KDM4C: variants seen among roughly 807,000 people sequenced by gnomAD.
KDM4C encodes the protein lysine demethylase 4C.
KDM4C carries 81 observed loss-of-function variants against 129.3 expected under a neutral mutation model. The observed-to-expected ratio is 0.63, with a 90% CI of 0.52 to 0.75. The LOEUF (loss-of-function observed/expected upper bound fraction) is 0.75. Ranked by LOEUF, KDM4C falls within the 30% of genes least tolerant of loss-of-function variation. The pLI is 0.00. For missense variants in KDM4C, 1,457 were observed against 1,304.0 expected (o/e 1.12, Z -1.81); for synonymous variants, 573 against 456.1 (o/e 1.26, Z -3.26).
intron 5 of KDM4C, among the ~76,000 whole-genome samples, chr9:6,850,159 A>T (rs747471946): frequency 6.6e-6 from 1 of 152,168 alleles, no homozygotes; most frequent in African/African-American, 2.4e-5. Flanking sequence ...GTGTAAGTCC[A>T]CTCCATGATG....
intron 17 of KDM4C, among the ~76,000 whole-genome samples, chr9:7,079,518 C>T (rs553008707): frequency 3.3e-5 from 5 of 152,264 alleles, no homozygotes; most frequent in South Asian, 2.1e-4. Flanking sequence ...GACAGTGTTT[C>T]GCCATGTTGG....
rs1161147501 is a variant in KDM4C, at chr9:7,128,771, TGTGTGTGTGTGTGCGTGCGC to T, written c.2781+548_2781+567del. ...GTTACTGTGGCGGAGACTAGAACTC[TGTGTGTGTGTGTGCGTGCGC>T]GTGTGTGTGTGTCTGGCTGTCTTGT... On this transcript the variant is annotated intron_variant, in intron 19 of 21. Coordinates refer to ENST00000381309, the MANE Select transcript of KDM4C (RefSeq NM_015061.6). 6.4e-4 allele frequency among the ~76,000 whole-genome samples: 93 copies of T among 144,920 alleles called. No homozygotes were observed. The South Asian group carries it at 0.019, about 29-fold the overall frequency.
intron 7 of KDM4C, among the ~76,000 whole-genome samples, chr9:6,888,850 G>C (rs1207300595): frequency 3.3e-5 from 1 of 30,482 alleles, no homozygotes; most frequent in Non-Finnish European, 6.5e-5. Flanking sequence ...TGCAGTGGCG[G>C]GATCTCGGCT....
intron 5 of KDM4C, among the ~76,000 whole-genome samples, chr9:6,877,499 C>T (rs1588884896): frequency 6.6e-6 from 1 of 152,220 alleles, no homozygotes; most frequent in Admixed American, 6.5e-5. Context: ...CACACCTGGC[C>T]TAACAAGATT....
At chr9:6,773,135 G>T (rs926801890) in intron 1 of KDM4C, among the ~76,000 whole-genome samples, 5 of 151,772 alleles carry the variant, frequency 3.3e-5, no homozygotes, top group African/African-American at 1.2e-4. Context: ...GAGTAACTGG[G>T]ATTACAGGTG....
At chr9:6,762,561 T>A (rs1376040318) in intron 1 of KDM4C, among the ~76,000 whole-genome samples, 3 of 151,030 alleles carry the variant, frequency 2.0e-5, no homozygotes, top group Non-Finnish European at 1.5e-5. Flanking sequence ...TGTAGACCAT[T>A]TTGTGGAGCC....
chr9:6,970,783 C>T (rs1000416467), intron 8 of KDM4C, among the ~76,000 whole-genome samples: 6 of 151,954 alleles, frequency 3.9e-5, no homozygotes, highest in Admixed American at 2.0e-4. Context: ...ATTTAAAAAA[C>T]AGTATTCCCA....
chr9:6,737,902 C>T (rs1180713676), intron 1 of KDM4C, among the ~76,000 whole-genome samples: 7 of 151,642 alleles, frequency 4.6e-5, no homozygotes, highest in Non-Finnish European at 7.4e-5. Context: ...TTTGGGAGGC[C>T]GAAGCAGGTG....
rs571237647 is a variant in KDM4C at position 6,819,425 on chromosome 9, A to G, written c.435+4680A>G. On this transcript the variant is annotated intron_variant, in intron 4 of 21. Coordinates refer to ENST00000381309, the MANE Select transcript of KDM4C (RefSeq NM_015061.6). ...CTGGTTTGTAAACACGCAGTTTTAA[A>G]ACATCCTCATCGTTTACAGGTTTTA... is the stretch of plus-strand genomic sequence containing the variant. Among the ~76,000 whole-genome samples, 4 of 152,352 alleles carry G rather than the reference A, an allele frequency of 2.6e-5. No homozygotes were observed. The South Asian group carries it at 8.3e-4, about 32-fold the overall frequency.
intron 12 of KDM4C, among the ~76,000 whole-genome samples, chr9:6,997,837 T>C (rs928472418): frequency 1.3e-5 from 2 of 152,260 alleles, no homozygotes; most frequent in South Asian, 2.1e-4. Context: ...AAGGCTGCTT[T>C]TCCAAAGAGC....
At chr9:7,063,363 TA>T (rs1831982015) in intron 17 of KDM4C, among the ~76,000 whole-genome samples, 1 of 152,248 alleles carries the variant, frequency 6.6e-6, no homozygotes, top group Admixed American at 6.5e-5. Context: ...CACTTCCCCA[TA>T]AGAACAAAGA....
At chr9:7,126,952 ATAAAG>A (rs886439187) in intron 18 of KDM4C, among the ~76,000 whole-genome samples, 5 of 152,214 alleles carry the variant, frequency 3.3e-5, no homozygotes, top group East Asian at 1.9e-4. Context: ...CACCAAAATA[ATAAAG>A]TAAAGTATGA....
rs556500218 is a variant in KDM4C, at chr9:6,925,643, C to T, written c.921+32411C>T. On this transcript the variant is annotated intron_variant, in intron 8 of 21. Transcript: ENST00000381309. ...GGCTTGTTTACCATCAGCCCTTCAC[C>T]GTTTCAGAAAGATGCTGTTCGGAGA... 296 of 985,316 alleles carry T rather than the reference C, an allele frequency of 3.0e-4. 2 individuals are homozygous for T. In the Admixed American group the frequency reaches 7.2e-3, roughly 24 times the overall value. 61.0% of individuals were successfully genotyped at this position (985,316 alleles called of 1,614,324 possible).
chr9:6,873,116 A>T (rs1843010089), intron 5 of KDM4C, among the ~76,000 whole-genome samples: 1 of 151,688 alleles, frequency 6.6e-6, no homozygotes, highest in South Asian at 2.1e-4. Context: ...CCCTGCCCAG[A>T]CTCCCGATTA....
At chr9:6,778,376 C>G (rs1354427076) in intron 1 of KDM4C, among the ~76,000 whole-genome samples, 1 of 151,726 alleles carries the variant, frequency 6.6e-6, no homozygotes, top group Non-Finnish European at 1.5e-5. Context: ...GGGCATGAGC[C>G]ACCCCACCAT....
intron 1 of KDM4C, among the ~76,000 whole-genome samples, chr9:6,774,802 C>G (rs1475000963): frequency 6.6e-6 from 1 of 152,082 alleles, no homozygotes; most frequent in Admixed American, 6.6e-5. Context: ...ATGAATTCAC[C>G]CAGATATCAC....
intron 4 of KDM4C, among the ~76,000 whole-genome samples, chr9:6,820,404 T>C (rs1011430645): frequency 6.6e-6 from 1 of 152,116 alleles, no homozygotes; most frequent in East Asian, 1.9e-4. Flanking sequence ...GAGGAAAAAC[T>C]CGAATAGCAG....
intron 1 of KDM4C, among the ~76,000 whole-genome samples, chr9:6,771,078 A>ATTTTT (rs1821730028): frequency 2.4e-5 from 2 of 84,640 alleles, no homozygotes; most frequent in African/African-American, 5.6e-5. Flanking sequence ...CCGACTGTGA[A>ATTTTT]TCTTTTTTTT....
At chr9:6,947,166 T>C (rs1211516978) in intron 8 of KDM4C, among the ~76,000 whole-genome samples, 1 of 152,186 alleles carries the variant, frequency 6.6e-6, no homozygotes, top group Non-Finnish European at 1.5e-5. Context: ...TGCGCCAAAT[T>C]TCTCTGAAGA....
Sources: allele counts gnomAD v4.1 joint callset (sites outside exome capture counted in the v4.1 genomes callset), GRCh38; gene constraint gnomAD v4.1.1; transcripts MANE v1.5; gene names NCBI Gene and HGNC (gene_info 2026-07-23, HGNC 2026-07-21).